Variants in SDK1 observed in about 807,000 individuals in gnomAD.
The protein encoded by SDK1 is protein sidekick-1.
SDK1 carries 157 observed loss-of-function variants against 245.5 expected under a neutral mutation model. The observed-to-expected ratio is 0.64, with a 90% CI of 0.56 to 0.73. The LOEUF is 0.73. SDK1 is among the 30% of genes least tolerant of loss of function. SDK1 has a pLI of 0.00. For missense variants in SDK1, 3,583 were observed against 3,002.3 expected (o/e 1.19, Z -4.52); for synonymous variants, 1,647 against 1,278.5 (o/e 1.29, Z -6.15).
At chr7:3,702,311 A>G (rs1235577426) in intron 4 of SDK1, among the ~76,000 whole-genome samples, 3 of 152,252 alleles carry the variant, frequency 2.0e-5, no homozygotes, top group African/African-American at 7.2e-5. Context: ...AATGGGCAAA[A>G]GACGAGACAT....
Position 4,077,053 on chromosome 7 carries a change from C to G in SDK1, c.3066C>G (p.Thr1022=). The G allele has an allele frequency of 6.2e-7, 1 of 1,614,164 alleles. No homozygotes were observed. Among genetic ancestry groups the G allele is most frequent in the Non-Finnish European group, 8.5e-7 (1 of 1,180,016 alleles). ...GGAACGACTCTCGTCTCACGCACAC[C>G]CTGAACAGCACGACGCACGAGTACA... ...YGRNDSRLTH[T]LNSTTHEYKI... The change falls in exon 21 of 45, where the codon ACC becomes ACG. Residue 1022 remains threonine, a synonymous_variant. Coordinates refer to ENST00000404826, the MANE Select transcript of SDK1 (RefSeq NM_152744.4).
chr7:4,209,437 C>T (rs1028751732), intron 37 of SDK1, among the ~76,000 whole-genome samples: 1 of 152,224 alleles, frequency 6.6e-6, no homozygotes, highest in Admixed American at 6.5e-5. Context: ...GAGCTGCCAG[C>T]AGGCTCCACA....
rs189338250 is a variant in SDK1 at position 3,477,521 on chromosome 7, T to C, written c.299-141559T>C. 2.2e-3 allele frequency among the ~76,000 whole-genome samples: 325 copies of C among 151,096 alleles called. 2 individuals carry two copies. Among genetic ancestry groups the C allele is most frequent in the Admixed American group, 5.0e-3 (76 of 15,204 alleles). The stretch of plus-strand genomic sequence containing the variant: ...GTTTTGTTTCTTTCTTTTTTCTTTT[T>C]TTTTTTTTAAGAGATGGGGGTCTCA... On this transcript the variant is annotated intron_variant, in intron 1 of 44. Transcript: ENST00000404826.
intron 1 of SDK1, among the ~76,000 whole-genome samples, chr7:3,482,162 C>A (rs933099065): frequency 9.2e-5 from 14 of 152,136 alleles, no homozygotes; most frequent in African/African-American, 3.1e-4. Context: ...CATAGTTTTA[C>A]AGTCTATTCA....
chr7:3,811,279 T>G (rs2115047529), intron 4 of SDK1, among the ~76,000 whole-genome samples: 1 of 152,294 alleles, frequency 6.6e-6, no homozygotes, highest in East Asian at 1.9e-4. Flanking sequence ...GTTCCACTTC[T>G]CTTGCCCCAC....
intron 1 of SDK1, among the ~76,000 whole-genome samples, chr7:3,378,372 C>T (rs1007742732): frequency 2.0e-5 from 3 of 152,088 alleles, no homozygotes; most frequent in Admixed American, 6.5e-5. Flanking sequence ...TTGGGTGGGA[C>T]GGGAGGTAGA....
At chr7:3,547,853 CT>C (rs1198745581) in intron 1 of SDK1, among the ~76,000 whole-genome samples, 1 of 152,206 alleles carries the variant, frequency 6.6e-6, no homozygotes, top group African/African-American at 2.4e-5. Context: ...TGCCACCCTG[CT>C]TTCCTTTCTG....
At chr7:4,054,334 C>G (rs1397790770) in intron 19 of SDK1, among the ~76,000 whole-genome samples, 2 of 152,166 alleles carry the variant, frequency 1.3e-5, no homozygotes, top group Admixed American at 6.5e-5. Flanking sequence ...CAGTTTCTGC[C>G]AAGCTGACAT....
At chr7:3,877,911 T>C (rs1253875881) in intron 5 of SDK1, among the ~76,000 whole-genome samples, 2 of 152,246 alleles carry the variant, frequency 1.3e-5, no homozygotes, top group Non-Finnish European at 2.9e-5. Context: ...GTGAACTGCC[T>C]TACACATAAG....
At position 4,268,629 on chromosome 7, in the gene SDK1, T is replaced by G; in HGVS notation, c.*3245T>G. 1.5e-6 allele frequency: 2 copies of G among 1,367,660 alleles called. No individual in the cohort carries two copies. The highest frequency in any genetic ancestry group is 2.0e-6 in the Non-Finnish European group (2 of 1,021,864). The allele number at this position is 1,367,660 out of a possible 1,614,324, so 84.7% of individuals were successfully genotyped here. ...ACTGGGCTGAAGCATGATGTTTGCC[T>G]AATGGTTCGTAGCATGGTTTTTATT... On this transcript the variant is annotated 3_prime_UTR_variant, in exon 45 of 45. Transcript: ENST00000404826.
chr7:3,525,633 C>G (rs1583122749), intron 1 of SDK1, among the ~76,000 whole-genome samples: 1 of 151,804 alleles, frequency 6.6e-6, no homozygotes, highest in Non-Finnish European at 1.5e-5. Context: ...TCTTTTTTTT[C>G]TCTTAGAGCC....
chr7:3,753,881 A>G (rs1779844661), intron 4 of SDK1, among the ~76,000 whole-genome samples: 2 of 152,226 alleles, frequency 1.3e-5, no homozygotes, highest in East Asian at 1.9e-4. Context: ...ATTTGATAAA[A>G]TACGTCCATG....
intron 1 of SDK1, among the ~76,000 whole-genome samples, chr7:3,527,860 G>C (rs778700156): frequency 2.6e-5 from 4 of 151,128 alleles, no homozygotes; most frequent in Non-Finnish European, 5.9e-5. Context: ...TGGGAGGTGA[G>C]GCTGGATGAT....
intron 44 of SDK1, among the ~76,000 whole-genome samples, chr7:4,252,612 G>C (rs1432214384): frequency 7.9e-5 from 12 of 152,074 alleles, no homozygotes; most frequent in Admixed American, 5.9e-4. Flanking sequence ...TAGGTCTGTA[G>C]TTTACTTGTC....
At chr7:4,225,342 G>A (rs1490323371) in intron 40 of SDK1, among the ~76,000 whole-genome samples, 3 of 152,142 alleles carry the variant, frequency 2.0e-5, no homozygotes, top group South Asian at 2.1e-4. Flanking sequence ...AAAAAGCCAC[G>A]GTGTCCGTCC....
At chr7:3,508,055 G>T (rs530464907) in intron 1 of SDK1, among the ~76,000 whole-genome samples, 34 of 152,184 alleles carry the variant, frequency 2.2e-4, no homozygotes, top group Non-Finnish European at 4.3e-4. Flanking sequence ...CCCTTTGTCT[G>T]TCTGGCTTCT....
intron 4 of SDK1, among the ~76,000 whole-genome samples, chr7:3,644,430 A>T (rs1320645052): frequency 6.6e-6 from 1 of 151,854 alleles, no homozygotes; most frequent in Non-Finnish European, 1.5e-5. Context: ...ACAAAAATGA[A>T]GGATCAATTT....
intron 23 of SDK1, among the ~76,000 whole-genome samples, chr7:4,112,719 G>A (rs750385803): frequency 5.9e-5 from 9 of 151,522 alleles, no homozygotes; most frequent in Non-Finnish European, 1.0e-4. Flanking sequence ...ACCTTTCTTT[G>A]AAGTCTTTTA....
intron 19 of SDK1, among the ~76,000 whole-genome samples, chr7:4,056,732 C>T (rs1355089756): frequency 6.6e-6 from 1 of 152,178 alleles, no homozygotes; most frequent in Non-Finnish European, 1.5e-5. Context: ...ACGCTGCACC[C>T]CACACGCCCG....
Sources: allele counts gnomAD v4.1 joint callset (sites outside exome capture counted in the v4.1 genomes callset), GRCh38; gene constraint gnomAD v4.1.1; transcripts MANE v1.5; gene names NCBI Gene and HGNC (gene_info 2026-07-23, HGNC 2026-07-21).